The following SPATA13 variants were observed in gnomAD, a reference collection of about 807,000 sequenced individuals.
SPATA13 encodes spermatogenesis associated 13, also known as spermatogenesis-associated protein 13.
SPATA13 carries 50 observed loss-of-function variants against 104.0 expected under a neutral mutation model. The ratio of observed to expected loss-of-function variants is 0.48; its 90% CI spans 0.38 to 0.61. The LOEUF is 0.61. Among genes scored for constraint, SPATA13 ranks in the 20% least tolerant of loss-of-function variants. SPATA13 has a pLI of 0.00. For missense variants in SPATA13, 1,524 were observed against 1,690.6 expected (o/e 0.90, Z 1.73); for synonymous variants, 606 against 667.5 (o/e 0.91, Z 1.42).
At chr13:24,236,070 G>A (rs764044685) in intron 2 of SPATA13, among the ~76,000 whole-genome samples, 2 of 152,180 alleles carry the variant, frequency 1.3e-5, no homozygotes, top group African/African-American at 4.8e-5. Context: ...AGTAGTGAGG[G>A]GTGGGGTCGG....
intron 4 of SPATA13, chr13:24,270,828 T>G (rs1390061284): frequency 1.9e-6 from 3 of 1,612,806 alleles, no homozygotes; most frequent in Non-Finnish European, 2.5e-6. Flanking sequence ...CCAGTCCTGC[T>G]CTGAAGGTTG....
chr13:24,158,515 G>C (rs1429253392), upstream of SPATA13, among the ~76,000 whole-genome samples: 3 of 152,204 alleles, frequency 2.0e-5, no homozygotes, highest in African/African-American at 4.8e-5. Flanking sequence ...CAGCTGGTTA[G>C]AGCCAGGTTG....
At chr13:24,025,748 C>A (rs1332903359) in intron 3 of SPATA13, among the ~76,000 whole-genome samples, 1 of 152,060 alleles carries the variant, frequency 6.6e-6, no homozygotes, top group Non-Finnish European at 1.5e-5. Flanking sequence ...GAGCTGTTAG[C>A]CATTCACATT....
rs113795322 is a variant in SPATA13 at position 24,121,924 on chromosome 13, C to A, written c.-111-100895C>A. Reference sequence around the variant, plus strand: ...CAGTGCCAGGTTGCATGATCGGGTCCCATCTCCTGGGGTTGTTGTTTCTTT... The same window carrying A: ...CAGTGCCAGGTTGCATGATCGGGTCACATCTCCTGGGGTTGTTGTTTCTTT... On this transcript the variant is annotated intron_variant, in intron 3 of 14. Transcript: ENST00000424834. The A allele has an allele frequency of 5.5e-3, 3,492 of 638,616 alleles. 28 individuals are homozygous for A. The highest frequency in any genetic ancestry group is 0.02 in the Middle Eastern group (46 of 2,332). The allele number at this position is 638,616 out of a possible 1,614,324, so 39.6% of individuals were successfully genotyped here. A position where few individuals can be genotyped will look rare whatever the true frequency, so the allele number is the denominator to read the frequency against.
At chr13:24,271,897 G>A (rs151032794) in intron 4 of SPATA13, among the ~76,000 whole-genome samples, 2 of 152,234 alleles carry the variant, frequency 1.3e-5, no homozygotes, top group East Asian at 3.9e-4. Flanking sequence ...ATGTGGTTAC[G>A]GCTTCTGTGT....
chr13:24,105,001 A>G (rs913204749), intron 3 of SPATA13, among the ~76,000 whole-genome samples: 5 of 152,140 alleles, frequency 3.3e-5, no homozygotes, highest in African/African-American at 1.2e-4. Flanking sequence ...GCTACTTGTC[A>G]TCTTCTCTTC....
chr13:24,247,478 C>CTTGTTTTTTT (rs1873206464), intron 2 of SPATA13, among the ~76,000 whole-genome samples: 1 of 87,122 alleles, frequency 1.1e-5, no homozygotes, highest in East Asian at 4.6e-4. Context: ...TCCACATTCA[C>CTTGTTTTTTT]TTTTTTTTTT....
rs537297699 is a variant in SPATA13 at position 24,195,509 on chromosome 13, T to C, written c.-111-27310T>C. Among the ~76,000 whole-genome samples, 5 of 152,316 alleles carry C rather than the reference T, an allele frequency of 3.3e-5. No individual in the cohort carries two copies. In the South Asian group the frequency reaches 6.2e-4, roughly 19 times the overall value. On this transcript the variant is annotated intron_variant, in intron 1 of 12. Transcript: ENST00000382108. ...GGGTCATATAACTCTATGTTTCATA[T>C]TTTTAGGAACTGCCAAATTATTTCC... is the stretch of plus-strand genomic sequence containing the variant.
At chr13:24,058,747 A>G (rs1301974873) in intron 3 of SPATA13, among the ~76,000 whole-genome samples, 1 of 151,782 alleles carries the variant, frequency 6.6e-6, no homozygotes, top group Non-Finnish European at 1.5e-5. Flanking sequence ...GTTCTTTCTT[A>G]TGATTTATGT....
At chr13:23,982,493 C>T (rs889571815) in intron 1 of SPATA13, among the ~76,000 whole-genome samples, 13 of 152,088 alleles carry the variant, frequency 8.5e-5, no homozygotes, top group African/African-American at 3.1e-4. Context: ...CTTTACCGGA[C>T]TGATGAAAAC....
intron 3 of SPATA13, among the ~76,000 whole-genome samples, chr13:24,113,293 A>G (rs1880709284): frequency 6.6e-6 from 1 of 152,226 alleles, no homozygotes; most frequent in Middle Eastern, 3.2e-3. Flanking sequence ...ATTCTCTTGA[A>G]TTGGATGTTT....
intron 2 of SPATA13, among the ~76,000 whole-genome samples, chr13:24,227,500 T>C (rs542853321): frequency 1.3e-5 from 2 of 152,218 alleles, no homozygotes; most frequent in Non-Finnish European, 2.9e-5. Flanking sequence ...TAAAGGTGCG[T>C]GCACATGTTG....
chr13:24,283,756 ATCATCTTTT>A (rs1344759003), intron 4 of SPATA13, among the ~76,000 whole-genome samples: 1 of 152,200 alleles, frequency 6.6e-6, no homozygotes, highest in Non-Finnish European at 1.5e-5. Context: ...AGAATATTGG[ATCATCTTTT>A]TCATCTTTTT....
At chr13:24,166,720 A>T (rs779442144) in intron 1 of SPATA13, among the ~76,000 whole-genome samples, 1 of 152,110 alleles carries the variant, frequency 6.6e-6, no homozygotes, top group Non-Finnish European at 1.5e-5. Context: ...CCACAGAAAT[A>T]TTTGAAAGCC....
At chr13:24,234,680 G>T (rs1380083089) in intron 2 of SPATA13, among the ~76,000 whole-genome samples, 1 of 152,188 alleles carries the variant, frequency 6.6e-6, no homozygotes, top group Non-Finnish European at 1.5e-5. Flanking sequence ...GCAGTGCTCT[G>T]GGGCAGACTT....
intron 3 of SPATA13, among the ~76,000 whole-genome samples, chr13:24,144,315 TC>T (rs1204883896): frequency 1.3e-5 from 2 of 152,002 alleles, no homozygotes; most frequent in Non-Finnish European, 2.9e-5. Context: ...GTACTCATCT[TC>T]CCCTGCCCCA....
chr13:24,269,305 G>T (rs1309101543), intron 4 of SPATA13, among the ~76,000 whole-genome samples: 3 of 152,156 alleles, frequency 2.0e-5, no homozygotes, highest in Non-Finnish European at 4.4e-5. Context: ...TGACTCCAAA[G>T]CTCATCACTA....
chr13:24,042,203 C>T (rs569964223), intron 3 of SPATA13, among the ~76,000 whole-genome samples: 7 of 152,238 alleles, frequency 4.6e-5, no homozygotes, highest in Non-Finnish European at 8.8e-5. Flanking sequence ...TCCAGAAGGT[C>T]GTTCTGTGTC....
intron 3 of SPATA13, among the ~76,000 whole-genome samples, chr13:24,104,343 C>T (rs1593331694): frequency 6.6e-6 from 1 of 151,766 alleles, no homozygotes; most frequent in Non-Finnish European, 1.5e-5. Context: ...TTCCATCAGT[C>T]TATAAAATGA....
Sources: allele counts gnomAD v4.1 joint callset (sites outside exome capture counted in the v4.1 genomes callset), GRCh38; gene constraint gnomAD v4.1.1; transcripts MANE v1.5; gene names NCBI Gene and HGNC (gene_info 2026-07-23, HGNC 2026-07-21).